Variants in METTL2B observed in about 807,000 individuals in gnomAD.
METTL2B encodes the protein tRNA N(3)-cytidine methyltransferase METTL2B.
Under a neutral mutation model 51.0 loss-of-function variants are expected in METTL2B, and 28 were observed. The ratio of observed to expected loss-of-function variants is 0.55; its 90% CI spans 0.41 to 0.75. The LOEUF (loss-of-function observed/expected upper bound fraction) is 0.75. METTL2B is among the 30% of genes least tolerant of loss of function. METTL2B has a pLI of 0.00. For synonymous variants in METTL2B, 128 were observed against 166.3 expected, an observed-to-expected ratio of 0.77 and a Z score of 1.77; for missense variants, 313 against 460.7, an observed-to-expected ratio of 0.68 and a Z score of 2.93.
chr7:128,488,365 T>C, intron 5 of METTL2B: 1 of 855,560 alleles, frequency 1.2e-6, no homozygotes, highest in South Asian at 1.4e-5. Context: ...TGTTCATATA[T>C]TGAAAGTCTG....
chr7:128,494,186 T>A (rs1390743432), intron 6 of METTL2B, among the ~76,000 whole-genome samples: 1 of 152,074 alleles, frequency 6.6e-6, no homozygotes, highest in Non-Finnish European at 1.5e-5. Flanking sequence ...GAGATGGGGT[T>A]TTGCCATGTT....
At chr7:128,481,775 T>G (rs534442568) in intron 4 of METTL2B, among the ~76,000 whole-genome samples, 1 of 152,288 alleles carries the variant, frequency 6.6e-6, no homozygotes, top group South Asian at 2.1e-4. Flanking sequence ...CCCAAGTAGC[T>G]GGGACTACAG....
At position 128,479,516 on chromosome 7, in the gene METTL2B, A is replaced by C; in HGVS notation, c.558+3A>C. On this transcript the variant is annotated splice_donor_region_variant and intron_variant, in intron 3 of 8. Transcript: ENST00000262432. ...CAGCCACCTACCGAATACTGGAGGT[A>C]ACCTTTTATTGTCTTGGTAGTGGGA... 1 of 1,612,608 alleles carries C rather than the reference A, an allele frequency of 6.2e-7. No individual in the cohort carries two copies. Among genetic ancestry groups the C allele is most frequent in the African/African-American group, 1.3e-5 (1 of 74,940 alleles).
At chr7:128,495,500 G>C (rs190526115) in intron 6 of METTL2B, among the ~76,000 whole-genome samples, 2 of 151,930 alleles carry the variant, frequency 1.3e-5, no homozygotes, top group East Asian at 3.9e-4. Flanking sequence ...GCCCAGGCTG[G>C]AGTGCAGTGG....
intron 4 of METTL2B, among the ~76,000 whole-genome samples, chr7:128,484,824 G>A (rs1481475475): frequency 1.3e-4 from 20 of 152,012 alleles, no homozygotes. Context: ...CTCGTGATCT[G>A]CCTGCCTCGG....
chr7:128,486,363 G>T (rs1037781699), intron 4 of METTL2B, among the ~76,000 whole-genome samples: 3 of 152,116 alleles, frequency 2.0e-5, no homozygotes, highest in Non-Finnish European at 2.9e-5. Flanking sequence ...ACTTTGGGAA[G>T]CCAAGGTGGG....
intron 6 of METTL2B, among the ~76,000 whole-genome samples, chr7:128,495,666 T>G (rs879527651): frequency 7.9e-5 from 12 of 152,274 alleles, no homozygotes; most frequent in Admixed American, 7.2e-4. Flanking sequence ...TTGGCCAGGC[T>G]GATCTTGAGC....
At chr7:128,492,313 C>T (rs1176345394) in intron 5 of METTL2B, among the ~76,000 whole-genome samples, 3 of 151,622 alleles carry the variant, frequency 2.0e-5, no homozygotes, top group African/African-American at 7.3e-5. Context: ...GGTGCCACTG[C>T]ACCCAGCTAA....
chr7:128,485,774 AC>A lies in METTL2B; in HGVS notation c.609-2325del, dbSNP rs1301952296. 8.5e-5 allele frequency among the ~76,000 whole-genome samples: 13 copies of A among 152,312 alleles called. 1 individual carries two copies. The East Asian group carries it at 1.5e-3, about 18-fold the overall frequency. ...TGGGGCTGCAGTGAGCCATGATCAC[AC>A]CACTGTACTCCAGGTGACAGAGCAA... On this transcript the variant is annotated intron_variant, in intron 4 of 8. Transcript: ENST00000262432.
rs775928662 is a variant in METTL2B at position 128,502,066 on chromosome 7, C to T, written c.*150C>T. On this transcript the variant is annotated 3_prime_UTR_variant, in exon 9 of 9. Coordinates refer to ENST00000262432, the MANE Select transcript of METTL2B (RefSeq NM_018396.3). ...GATCCATTGAGCCCAGGAGTCCAGC[C>T]TGGGCAAAATAGCGAGAGACCCTGA... is the stretch of plus-strand genomic sequence containing the variant. 1.0e-4 allele frequency: 117 copies of T among 1,117,776 alleles called. No individual in the cohort carries two copies. Among genetic ancestry groups the T allele is most frequent in the Non-Finnish European group, 1.4e-4 (113 of 797,632 alleles). The allele number at this position is 1,117,776 out of a possible 1,614,324, so 69.2% of individuals were successfully genotyped here. A position where few individuals can be genotyped will look rare whatever the true frequency, so the allele number is the denominator to read the frequency against.
At chr7:128,482,778 C>T (rs1269040728) in intron 4 of METTL2B, among the ~76,000 whole-genome samples, 2 of 152,212 alleles carry the variant, frequency 1.3e-5, no homozygotes, top group Non-Finnish European at 2.9e-5. Flanking sequence ...AAGTGATCCA[C>T]CCACCTCAGC....
At chr7:128,492,710 G>A (rs1792856943) in intron 5 of METTL2B, among the ~76,000 whole-genome samples, 1 of 151,442 alleles carries the variant, frequency 6.6e-6, no homozygotes, top group Non-Finnish European at 1.5e-5. Context: ...TCCGCCTCCC[G>A]GGTTCACGCC....
At chr7:128,483,076 A>T (rs1272164718) in intron 4 of METTL2B, 3 of 152,176 alleles carry the variant, frequency 2.0e-5, no homozygotes, top group Non-Finnish European at 4.4e-5. Context: ...AAGAAAAGAG[A>T]TTGTTCTACT....
chr7:128,488,560 A>G (rs2116853219), intron 5 of METTL2B: 1 of 458,384 alleles, frequency 2.2e-6, no homozygotes, highest in African/African-American at 2.0e-5. Context: ...CATCTGTGTA[A>G]GACGGTCAAC....
chr7:128,481,424 T>A (rs1376746187), intron 4 of METTL2B, among the ~76,000 whole-genome samples: 1 of 152,236 alleles, frequency 6.6e-6, no homozygotes, highest in African/African-American at 2.4e-5. Context: ...GGGAGCCCTG[T>A]CTCCAGTTCA....
chr7:128,495,472 A>T (rs1297221097), intron 6 of METTL2B, among the ~76,000 whole-genome samples: 5 of 151,812 alleles, frequency 3.3e-5, no homozygotes, highest in Admixed American at 1.3e-4. Flanking sequence ...TTTTTCTGAG[A>T]TGGAGTCTCA....
At position 128,504,282 on chromosome 7, in the gene METTL2B, C is replaced by A. The variant is rs1002993347; in HGVS notation, c.*2366C>A. ...TCCTGTAATCTTAGCATTTTGGGAG[C>A]CCAAGGCAGGAGGATGACTTGAGGC... is the stretch of plus-strand genomic sequence containing the variant. On this transcript the variant is annotated 3_prime_UTR_variant, in exon 9 of 9. Coordinates refer to ENST00000262432, the MANE Select transcript of METTL2B (RefSeq NM_018396.3). The A allele has an allele frequency of 1.3e-5, 2 of 151,288 alleles. No individual in the cohort carries two copies. Among genetic ancestry groups the A allele is most frequent in the Admixed American group, 1.3e-4 (2 of 15,140 alleles). The allele number at this position is 151,288 out of a possible 1,614,324, so 9.4% of individuals were successfully genotyped here.
chr7:128,498,922 AG>A (rs1328700663), intron 7 of METTL2B, among the ~76,000 whole-genome samples: 1 of 151,550 alleles, frequency 6.6e-6, no homozygotes, highest in Non-Finnish European at 1.5e-5. Flanking sequence ...GCTTGAACCC[AG>A]GAGGCGGAGC....
intron 6 of METTL2B, among the ~76,000 whole-genome samples, chr7:128,494,653 A>C (rs1480960516): frequency 6.6e-6 from 1 of 151,966 alleles, no homozygotes; most frequent in Non-Finnish European, 1.5e-5. Context: ...TTTGAGACAG[A>C]GTCTCGCCCT....
Sources: gnomAD v4.1 joint callset for allele counts (sites outside exome capture counted in the v4.1 genomes callset) on GRCh38, gnomAD v4.1.1 for gene constraint, MANE v1.5 for transcripts, NCBI Gene and HGNC (gene_info 2026-07-23, HGNC 2026-07-21) for gene names.